Variants in ZNF281 observed in about 807,000 individuals in gnomAD.
ZNF281 encodes the protein zinc finger protein 281.
ZNF281 carries 2 observed loss-of-function variants against 58.8 expected under a neutral mutation model. The observed-to-expected ratio is 0.03, with a 90% CI of 0.01 to 0.11. The LOEUF (loss-of-function observed/expected upper bound fraction) is 0.11. ZNF281 is among the 10% of genes least tolerant of loss of function. The pLI is 1.00. For missense variants in ZNF281, 975 were observed against 1,090.7 expected, an observed-to-expected ratio of 0.89 and a Z score of 1.49; for synonymous variants, 465 against 407.7, an observed-to-expected ratio of 1.14 and a Z score of -1.69.
chr1:200,409,258 CATAGTGGTGGTGGTG>C lies in ZNF281; in HGVS notation c.433_447del (p.His145_Tyr149del). ...TCTTCAGCTCCAGCGAACAGCCCCC[CATAGTGGTGGTGGTG>C]ATGGTGGTGGTGGGACTGCTGCTCC... On this transcript the variant is annotated inframe_deletion, in exon 2 of 2. Coordinates refer to ENST00000367353, the MANE Select transcript of ZNF281 (RefSeq NM_001281293.2). The C allele has an allele frequency of 6.2e-7, 1 of 1,613,162 alleles. No homozygotes were observed. Among genetic ancestry groups the C allele is most frequent in the South Asian group, 1.1e-5 (1 of 91,064 alleles).
In ZNF281 at chr1:200,409,037, C is replaced by T. The variant is rs1654531128; in HGVS notation, c.669G>A (p.Arg223=). 1.9e-6 allele frequency: 3 copies of T among 1,614,174 alleles called. No homozygotes were observed. Among genetic ancestry groups the T allele is most frequent in the Non-Finnish European group, 2.5e-6 (3 of 1,180,030 alleles). ...KQDTNVKKAK[R]PKPESQGIKA... Reference sequence around the variant, plus strand: ...TGATTCCCTGAGATTCTGGCTTTGGCCTTTTTGCCTTTTTGACATTAGTGT... The same window carrying T: ...TGATTCCCTGAGATTCTGGCTTTGGTCTTTTTGCCTTTTTGACATTAGTGT... The change falls in exon 2 of 2, where the codon AGG becomes AGA. Residue 223 remains arginine, a synonymous_variant. Coordinates refer to ENST00000367353, the MANE Select transcript of ZNF281 (RefSeq NM_001281293.2).
In ZNF281 at chr1:200,407,964, A is replaced by G. The variant is rs1654498260; in HGVS notation, c.1742T>C (p.Leu581Ser). The G allele has an allele frequency of 2.5e-6, 4 of 1,614,244 alleles. No individual in the cohort carries two copies. In the East Asian group the frequency reaches 8.9e-5, roughly 36 times the overall value. The change falls in exon 2 of 2, where the codon TTG (leucine) becomes TCG (serine). Residue 581 changes from leucine to serine, a missense_variant. By Grantham distance (145) the Leu-to-Ser change is moderately radical. This residue lies in a region of ZNF281 where 579 missense variants were observed against 608.9 expected (regional missense o/e 0.95). Coordinates refer to ENST00000367353, the MANE Select transcript of ZNF281 (RefSeq NM_001281293.2). ...TAGAGCTGAGGAGTCAATAAGTGAC[A>G]ATGGTGCCTCATTGTCCAAAACACT... Reference protein sequence around the residue: ...GVSVLDNEAPLSLIDSSALNA... With the variant: ...GVSVLDNEAPSSLIDSSALNA...
chr1:200,409,434 G>C lies in ZNF281; in HGVS notation c.272C>G (p.Pro91Arg), dbSNP rs1211332104. 8 of 1,524,056 alleles carry C rather than the reference G, an allele frequency of 5.2e-6. No individual in the cohort carries two copies. Among genetic ancestry groups the C allele is most frequent in the Middle Eastern group, 1.8e-4 (1 of 5,672 alleles). The allele number at this position is 1,524,056 out of a possible 1,614,324, so 94.4% of individuals were successfully genotyped here. ...STSAAPAAEP[P>R]PPPAPDMTFK... ...AGTCATGTCCGGGGCTGGCGGAGGG[G>C]GGGGCTCAGCGGCCGGGGCTGCGGA... is the stretch of plus-strand genomic sequence containing the variant. The change falls in exon 2 of 2, where the codon CCC becomes CGC. Residue 91 changes from proline (P) to arginine (R), a missense_variant. Coordinates refer to ENST00000367353, the MANE Select transcript of ZNF281 (RefSeq NM_001281293.2).
Position 200,410,026 on chromosome 1 carries a change from T to A in ZNF281, c.-99A>T. 6.6e-6 allele frequency: 3 copies of A among 454,970 alleles called. No individual in the cohort carries two copies. Among genetic ancestry groups the A allele is most frequent in the Non-Finnish European group, 1.2e-5 (3 of 254,034 alleles). 28.2% of individuals were successfully genotyped at this position (454,970 alleles called of 1,614,324 possible). A position where few individuals can be genotyped will look rare whatever the true frequency, so the allele number is the denominator to read the frequency against. ...CCTCTCCACAATGGAATTAAAAGCCTCCCGTGTACTGCGCAGCCGCGGCGC... is the reference window on the plus strand; with the variant it reads ...CCTCTCCACAATGGAATTAAAAGCCACCCGTGTACTGCGCAGCCGCGGCGC... On this transcript the variant is annotated 5_prime_UTR_variant, in exon 1 of 2. Transcript: ENST00000367353.
rs1654421927 is a variant in ZNF281 at position 200,405,367 on chromosome 1, G to T, written c.*1651C>A. ...TCCAAACACTGCTTTTATAACAGAA[G>T]TGTTTTACACTTGCACAATATTAAT... On this transcript the variant is annotated 3_prime_UTR_variant, in exon 2 of 2. Coordinates refer to ENST00000367353, the MANE Select transcript of ZNF281 (RefSeq NM_001281293.2). 6.6e-6 allele frequency: 1 copy of T among 152,148 alleles called. No individual in the cohort carries two copies. Among genetic ancestry groups the T allele is most frequent in the East Asian group, 1.9e-4 (1 of 5,198 alleles). The allele number at this position is 152,148 out of a possible 1,614,324, so 9.4% of individuals were successfully genotyped here.
rs182073571 is a variant in ZNF281 at position 200,409,145 on chromosome 1, T to C, written c.561A>G (p.Gln187=). 8 of 1,614,214 alleles carry C rather than the reference T, an allele frequency of 5.0e-6. No individual in the cohort carries two copies. The highest frequency in any genetic ancestry group is 1.1e-5 in the South Asian group (1 of 91,080). Reference sequence around the variant, plus strand: ...ATACGTCACGGTGGTGCTGGGCTGGTTGCTGCTGGACATGCTGGTGGAGAA... The same window carrying C: ...ATACGTCACGGTGGTGCTGGGCTGGCTGCTGCTGGACATGCTGGTGGAGAA... The part of the protein sequence containing the change: ...LSILHQHVQQ[Q]PAQHHRDVLL... The change falls in exon 2 of 2, where the codon CAA becomes CAG. Residue 187 remains glutamine (Q), a synonymous_variant. Transcript: ENST00000367353.
Position 200,407,060 on chromosome 1 carries a change from A to AC in ZNF281, c.2645dup (p.Cys882TrpfsTer2). The AC allele has an allele frequency of 6.2e-7, 1 of 1,614,034 alleles. No individual in the cohort carries two copies. Among genetic ancestry groups the AC allele is most frequent in the Non-Finnish European group, 8.5e-7 (1 of 1,180,002 alleles). On this transcript the variant is annotated frameshift_variant, in exon 2 of 2. Transcript: ENST00000367353. LOFTEE classifies it high-confidence loss of function. Reference sequence around the variant, plus strand: ...TGGTGGGTGTCTTTACTCTTGTACTACATGGCTCACTTACATCAGACATCA... The same window carrying AC: ...TGGTGGGTGTCTTTACTCTTGTACTACCATGGCTCACTTACATCAGACATCA...
Position 200,409,942 on chromosome 1 carries a change from T to C in ZNF281, c.-19+4A>G. 2 of 419,290 alleles carry C rather than the reference T, an allele frequency of 4.8e-6. No individual in the cohort carries two copies. Among genetic ancestry groups the C allele is most frequent in the Admixed American group, 4.7e-5 (1 of 21,226 alleles). The allele number at this position is 419,290 out of a possible 1,614,324, so 26.0% of individuals were successfully genotyped here. A position where few individuals can be genotyped will look rare whatever the true frequency, so the allele number is the denominator to read the frequency against. The stretch of plus-strand genomic sequence containing the variant: ...TCCCTCCTGGACCCACCGGCAATAC[T>C]TACGGGTCCCGCCGCCGCCGCAGCC... On this transcript the variant is annotated splice_donor_region_variant and intron_variant, in intron 1 of 1. Transcript: ENST00000367353.
chr1:200,409,966 C>CCGCCGT lies in ZNF281; in HGVS notation c.-45_-40dup, dbSNP rs1434493498. The CCGCCGT allele has an allele frequency of 3.3e-6, 2 of 598,304 alleles. No individual in the cohort carries two copies. The highest frequency in any genetic ancestry group is 5.9e-6 in the Non-Finnish European group (2 of 341,366). 37.1% of individuals were successfully genotyped at this position (598,304 alleles called of 1,614,324 possible). A position where few individuals can be genotyped will look rare whatever the true frequency, so the allele number is the denominator to read the frequency against. The stretch of plus-strand genomic sequence containing the variant: ...CTTACGGGTCCCGCCGCCGCCGCAG[C>CCGCCGT]CGCCGTCGCCTCCAGTTAATAAAAA... On this transcript the variant is annotated 5_prime_UTR_variant, in exon 1 of 2. Coordinates refer to ENST00000367353, the MANE Select transcript of ZNF281 (RefSeq NM_001281293.2).
In ZNF281 at chr1:200,409,555, C is replaced by T. The variant is rs1654558019; in HGVS notation, c.151G>A (p.Val51Ile). The change falls in exon 2 of 2, where the codon GTT becomes ATT. Residue 51 changes from valine to isoleucine, a missense_variant. Physicochemically the swap from Val to Ile is conservative, Grantham distance 29. Coordinates refer to ENST00000367353, the MANE Select transcript of ZNF281 (RefSeq NM_001281293.2). Reference sequence around the variant, plus strand: ...GGGGGAAGACGGTGGTTGAACATAACCATACCCTGGGGAAAGGTGGGTTCC... The same window carrying T: ...GGGGGAAGACGGTGGTTGAACATAATCATACCCTGGGGAAAGGTGGGTTCC... ...EMEPTFPQGM[V>I]MFNHRLPPVT... The T allele has an allele frequency of 1.9e-6, 3 of 1,549,666 alleles. No individual in the cohort carries two copies. The highest frequency in any genetic ancestry group is 2.0e-5 in the Admixed American group (1 of 50,948).
rs1654465477 is a variant in ZNF281, at chr1:200,406,879, T to TA, written c.*138dup. 1.8e-5 allele frequency: 14 copies of TA among 763,858 alleles called. No individual in the cohort carries two copies. The highest frequency in any genetic ancestry group is 2.8e-5 in the Non-Finnish European group (14 of 505,710). 47.3% of individuals were successfully genotyped at this position (763,858 alleles called of 1,614,324 possible). A position where few individuals can be genotyped will look rare whatever the true frequency, so the allele number is the denominator to read the frequency against. On this transcript the variant is annotated 3_prime_UTR_variant, in exon 2 of 2. Transcript: ENST00000367353. ...CAGAGCTAAAATCACGCTAACAAAA[T>TA]AAACTAAATATGAAAAGTTGCATTG... is the stretch of plus-strand genomic sequence containing the variant.
chr1:200,408,068 A>C lies in ZNF281; in HGVS notation c.1638T>G (p.Thr546=). 1 of 1,614,196 alleles carries C rather than the reference A, an allele frequency of 6.2e-7. No homozygotes were observed. Among genetic ancestry groups the C allele is most frequent in the Non-Finnish European group, 8.5e-7 (1 of 1,180,028 alleles). ...QFSKKRRYLP[T]ASSNSAFSIN... is the part of the protein sequence containing the mutation. ...TAGAAAAGGCACTGTTGCTGCTGGC[A>C]GTTGGTAAATATCTTCTTTTCTTTG... The change falls in exon 2 of 2, where the codon ACT becomes ACG. Residue 546 remains threonine, a synonymous_variant. Transcript: ENST00000367353.
Position 200,407,399 on chromosome 1 carries a change from T to C in ZNF281, c.2307A>G (p.Ile769Met), listed in dbSNP as rs145828311. 234 of 1,614,028 alleles carry C rather than the reference T, an allele frequency of 1.4e-4. No individual in the cohort carries two copies. The highest frequency in any genetic ancestry group is 4.8e-4 in the Admixed American group (29 of 59,996). ...AAGTCTCTAAGTTCTTCTGAGAATC[T>C]ATCAGATCATCCAGCTCCTGGGAAG... ...LTPSQELDDL[I>M]DSQKNLETSS... Residue 769 changes from isoleucine to methionine, a missense_variant, in exon 2 of 2, where the codon ATA (isoleucine) becomes ATG (methionine). Ile to Met is a conservative substitution (Grantham distance 10, BLOSUM62 1). This residue lies in a region of ZNF281 where 579 missense variants were observed against 608.9 expected (regional missense o/e 0.95). Transcript: ENST00000367353.
rs1654518884 is a variant in ZNF281 at position 200,408,476 on chromosome 1, G to A, written c.1230C>T (p.Ser410=). The part of the protein sequence containing the change: ...SSSRRKTKSK[S]IAIENKEQKT... ...TCTGTTCCTTATTTTCAATAGCTAT[G>A]CTTTTTGACTTTGTTTTTCTCCTTG... Residue 410 remains serine (S), a synonymous_variant, in exon 2 of 2, where the codon AGC becomes AGT. Coordinates refer to ENST00000367353, the MANE Select transcript of ZNF281 (RefSeq NM_001281293.2). 2 of 1,614,112 alleles carry A rather than the reference G, an allele frequency of 1.2e-6. No individual in the cohort carries two copies. Among genetic ancestry groups the A allele is most frequent in the Non-Finnish European group, 8.5e-7 (1 of 1,180,022 alleles).
At position 200,407,567 on chromosome 1, in the gene ZNF281, C is replaced by G; in HGVS notation, c.2139G>C (p.Thr713=). 1 of 1,614,072 alleles carries G rather than the reference C, an allele frequency of 6.2e-7. No individual in the cohort carries two copies. Among genetic ancestry groups the G allele is most frequent in the Non-Finnish European group, 8.5e-7 (1 of 1,180,018 alleles). Residue 713 remains threonine (T), a synonymous_variant, in exon 2 of 2, where the codon ACG becomes ACC. Transcript: ENST00000367353. The stretch of plus-strand genomic sequence containing the variant: ...GGCCGAAACCACACTCCAAAGGAGA[C>G]GTAGTGTATATTTGTTTTTCTGGAA... ...TLFPEKQIYT[T]SPLECGFGQS...
Position 200,408,857 on chromosome 1 carries a change from A to G in ZNF281, c.849T>C (p.His283=), listed in dbSNP as rs1654526463. 1 of 1,614,126 alleles carries G rather than the reference A, an allele frequency of 6.2e-7. No individual in the cohort carries two copies. The highest frequency in any genetic ancestry group is 1.3e-5 in the African/African-American group (1 of 74,936). Residue 283 remains histidine, a synonymous_variant, in exon 2 of 2, where the codon CAT becomes CAC. Transcript: ENST00000367353. ...TGCACTGGAAAGGTCTTTCTCCTGT[A>G]TGAATGAGGACATGTCTCCGCAGGT... ...SYHLRRHVLI[H]TGERPFQCSQ... is the part of the protein sequence containing the mutation.
chr1:200,407,563 G>A lies in ZNF281; in HGVS notation c.2143C>T (p.Pro715Ser). 6.2e-7 allele frequency: 1 copy of A among 1,614,228 alleles called. No individual in the cohort carries two copies. Among genetic ancestry groups the A allele is most frequent in the Non-Finnish European group, 8.5e-7 (1 of 1,180,042 alleles). ...GATTGGCCGAAACCACACTCCAAAG[G>A]AGACGTAGTGTATATTTGTTTTTCT... Reference protein sequence around the residue: ...FPEKQIYTTSPLECGFGQSVT... With the variant: ...FPEKQIYTTSSLECGFGQSVT... Residue 715 changes from proline (P) to serine (S), a missense_variant, in exon 2 of 2, where the codon CCT becomes TCT. Transcript: ENST00000367353.
Position 200,407,265 on chromosome 1 carries a change from A to G in ZNF281, c.2441T>C (p.Ile814Thr). ...QIPSQELASQ[I>T]DPQKDIEPRT... Reference sequence around the variant, plus strand: ...AGGCTCTATGTCTTTCTGAGGATCTATCTGGCTAGCTAACTCCTGAGATGG... The same window carrying G: ...AGGCTCTATGTCTTTCTGAGGATCTGTCTGGCTAGCTAACTCCTGAGATGG... Residue 814 changes from isoleucine (I) to threonine (T), a missense_variant, in exon 2 of 2, where the codon ATA (isoleucine) becomes ACA (threonine). This residue lies in a region of ZNF281 where 579 missense variants were observed against 608.9 expected (regional missense o/e 0.95). Transcript: ENST00000367353. 1 of 1,614,232 alleles carries G rather than the reference A, an allele frequency of 6.2e-7. No individual in the cohort carries two copies. Among genetic ancestry groups the G allele is most frequent in the Non-Finnish European group, 8.5e-7 (1 of 1,180,042 alleles).
chr1:200,407,582 T>C lies in ZNF281; in HGVS notation c.2124A>G (p.Lys708=). Residue 708 remains lysine, a synonymous_variant, in exon 2 of 2, where the codon AAA becomes AAG. Coordinates refer to ENST00000367353, the MANE Select transcript of ZNF281 (RefSeq NM_001281293.2). ...PLHNHTLFPE[K]QIYTTSPLEC... ...CCAAAGGAGACGTAGTGTATATTTG[T>C]TTTTCTGGAAACAAAGTGTGGTTGT... is the stretch of plus-strand genomic sequence containing the variant. 1 of 1,614,182 alleles carries C rather than the reference T, an allele frequency of 6.2e-7. No individual in the cohort carries two copies. The highest frequency in any genetic ancestry group is 8.5e-7 in the Non-Finnish European group (1 of 1,180,038).
Sources: allele counts gnomAD v4.1 joint callset, GRCh38; gene constraint gnomAD v4.1.1; regional missense constraint gnomAD v4.1.1; transcripts MANE v1.5; gene names NCBI Gene and HGNC (gene_info 2026-07-23, HGNC 2026-07-21).